Variants in DOK6 observed in about 807,000 individuals in gnomAD.
The protein encoded by DOK6 is downstream of tyrosine kinase 6.
A neutral mutation model predicts 44.0 loss-of-function variants in DOK6; 22 were observed. The observed-to-expected ratio is 0.50, with a 90% CI of 0.36 to 0.71. The LOEUF is 0.71. DOK6 is among the 30% of genes least tolerant of loss of function. The pLI is 0.00. For missense variants in DOK6, 340 were observed against 416.4 expected (o/e 0.82, Z 1.60); for synonymous variants, 166 against 145.5 (o/e 1.14, Z -1.01).
At chr18:69,502,278 A>G (rs1336096876) in intron 1 of DOK6, among the ~76,000 whole-genome samples, 2 of 152,104 alleles carry the variant, frequency 1.3e-5, no homozygotes. Flanking sequence ...GAATATATTC[A>G]ACAGATAAGG....
intron 7 of DOK6, among the ~76,000 whole-genome samples, chr18:69,838,921 T>A (rs1425106710): frequency 6.7e-6 from 1 of 149,114 alleles, no homozygotes; most frequent in African/African-American, 2.5e-5. Flanking sequence ...TAGCTCCTCT[T>A]TCCCTAGCCC....
chr18:69,711,434 A>G (rs4583361), intron 5 of DOK6, among the ~76,000 whole-genome samples: 13,389 of 152,260 alleles, frequency 0.088, 667 homozygotes, highest in Admixed American at 0.14. Context: ...TACTTGTAGA[A>G]CTTTTACTAA....
At chr18:69,618,359 A>G (rs1012280431) in intron 3 of DOK6, among the ~76,000 whole-genome samples, 11 of 152,214 alleles carry the variant, frequency 7.2e-5, no homozygotes, top group South Asian at 2.1e-4. Flanking sequence ...GGTGTGTATG[A>G]AGGCAAACAA....
intron 3 of DOK6, among the ~76,000 whole-genome samples, chr18:69,651,149 A>T (rs1985214568): frequency 6.6e-6 from 1 of 152,130 alleles, no homozygotes; most frequent in South Asian, 2.1e-4. Flanking sequence ...AAGCATACAG[A>T]CATCTGTGCC....
At chr18:69,475,956 G>A (rs906955469) in intron 1 of DOK6, among the ~76,000 whole-genome samples, 1 of 152,062 alleles carries the variant, frequency 6.6e-6, no homozygotes, top group African/African-American at 2.4e-5. Flanking sequence ...TATACTGTGT[G>A]ATGCTGAAGT....
intron 1 of DOK6, among the ~76,000 whole-genome samples, chr18:69,513,553 T>A (rs995644454): frequency 9.2e-5 from 14 of 152,238 alleles, no homozygotes; most frequent in African/African-American, 3.4e-4. Flanking sequence ...GCTAGTGAAT[T>A]GTATTTACCT....
chr18:69,810,240 T>G (rs1981182585), intron 7 of DOK6, among the ~76,000 whole-genome samples: 1 of 151,920 alleles, frequency 6.6e-6, no homozygotes, highest in Non-Finnish European at 1.5e-5. Flanking sequence ...ATAAATGGTA[T>G]TGGGAAAACT....
chr18:69,493,423 C>T (rs1215626229), intron 1 of DOK6, among the ~76,000 whole-genome samples: 1 of 152,098 alleles, frequency 6.6e-6, no homozygotes, highest in Non-Finnish European at 1.5e-5. Flanking sequence ...CTAGCATTGC[C>T]TGAAAACTTG....
intron 2 of DOK6, among the ~76,000 whole-genome samples, chr18:69,571,334 C>G (rs1469729207): frequency 6.6e-6 from 1 of 151,616 alleles, no homozygotes; most frequent in Non-Finnish European, 1.5e-5. Context: ...GGTAAAACAA[C>G]AACAACAAAA....
At chr18:69,711,755 T>C (rs1324135445) in intron 5 of DOK6, among the ~76,000 whole-genome samples, 1 of 152,198 alleles carries the variant, frequency 6.6e-6, no homozygotes, top group African/African-American at 2.4e-5. Context: ...TCCTACTTTG[T>C]AGGGCTGATG....
chr18:69,595,055 G>A (rs534170626), intron 2 of DOK6, among the ~76,000 whole-genome samples: 1 of 152,210 alleles, frequency 6.6e-6, no homozygotes, highest in South Asian at 2.1e-4. Context: ...ATTTAACCAA[G>A]GAGGTGAAAG....
intron 3 of DOK6, among the ~76,000 whole-genome samples, chr18:69,670,510 AT>A (rs34425516): frequency 0.16 from 22,292 of 136,814 alleles, 1,487 homozygotes; most frequent in Middle Eastern, 0.24. Flanking sequence ...TTGTGCATCA[AT>A]TTTTTTTTTT....
intron 3 of DOK6, among the ~76,000 whole-genome samples, chr18:69,614,268 C>T (rs1016927412): frequency 1.3e-5 from 2 of 152,060 alleles, no homozygotes; most frequent in Non-Finnish European, 2.9e-5. Flanking sequence ...ATCTTTCCTA[C>T]CACAAGTCAT....
intron 1 of DOK6, among the ~76,000 whole-genome samples, chr18:69,499,465 G>A (rs1049866717): frequency 6.6e-6 from 1 of 152,022 alleles, no homozygotes; most frequent in African/African-American, 2.4e-5. Flanking sequence ...AGTAATTTAC[G>A]CAAAAATGAT....
chr18:69,463,348 T>G (rs1309465157), intron 1 of DOK6, among the ~76,000 whole-genome samples: 3 of 150,938 alleles, frequency 2.0e-5, no homozygotes, highest in Non-Finnish European at 4.4e-5. Context: ...AATTCTACCA[T>G]AGCAGTTTCT....
chr18:69,824,016 A>C lies in DOK6; in HGVS notation c.857-17228A>C, dbSNP rs540945318. On this transcript the variant is annotated intron_variant, in intron 7 of 7. Coordinates refer to ENST00000382713, the MANE Select transcript of DOK6 (RefSeq NM_152721.6). Reference sequence around the variant, plus strand: ...AAAAAAGCAAACAGAAACTTACATCAGACAGCCTTGTTATAGTAGTTATTT... The same window carrying C: ...AAAAAAGCAAACAGAAACTTACATCCGACAGCCTTGTTATAGTAGTTATTT... Among the ~76,000 whole-genome samples the C allele has an allele frequency of 9.1e-4, 139 of 152,170 alleles. 1 individual carries two copies. Among genetic ancestry groups the C allele is most frequent in the African/African-American group, 3.2e-3 (134 of 41,516 alleles).
intron 3 of DOK6, among the ~76,000 whole-genome samples, chr18:69,666,932 C>G (rs2144676688): frequency 6.6e-6 from 1 of 152,264 alleles, no homozygotes; most frequent in South Asian, 2.1e-4. Flanking sequence ...ATAAGTCTGC[C>G]TATCTGCAGG....
At chr18:69,817,175 T>C (rs207476918) in intron 7 of DOK6, among the ~76,000 whole-genome samples, 1 of 152,190 alleles carries the variant, frequency 6.6e-6, no homozygotes, top group Non-Finnish European at 1.5e-5. Context: ...AACATTTTTA[T>C]ACAACTATGG....
rs1555720945 is a variant in DOK6, at chr18:69,659,851, TA to T, written c.290-17882del. ...ATATATATATAACATATATGTATGT[TA>T]TATATATATATATAAAACATATATG... is the stretch of plus-strand genomic sequence containing the variant. On this transcript the variant is annotated intron_variant, in intron 3 of 7. Transcript: ENST00000382713. The T allele has an allele frequency of 7.2e-5, 2 of 27,680 alleles. 1 individual carries two copies. The highest frequency in any genetic ancestry group is 4.0e-3 in the South Asian group (2 of 500). The allele number at this position is 27,680 out of a possible 1,614,324, so 1.7% of individuals were successfully genotyped here.
Sources: gnomAD v4.1 joint callset for allele counts (sites outside exome capture counted in the v4.1 genomes callset) on GRCh38, gnomAD v4.1.1 for gene constraint, MANE v1.5 for transcripts, NCBI Gene and HGNC (gene_info 2026-07-23, HGNC 2026-07-21) for gene names.